Variants in B3GALT1 observed in about 807,000 individuals in gnomAD.
The protein encoded by B3GALT1 is beta-1,3-galactosyltransferase 1.
A neutral mutation model predicts 23.2 loss-of-function variants in B3GALT1; 10 were observed. The observed-to-expected ratio is 0.43, with a 90% CI of 0.27 to 0.73. B3GALT1 has a LOEUF of 0.73. Among genes scored for constraint, B3GALT1 ranks in the 30% least tolerant of loss-of-function variants. The pLI is 0.21. For missense variants in B3GALT1, 299 were observed against 405.4 expected (o/e 0.74, Z 2.25); for synonymous variants, 156 against 141.5 (o/e 1.10, Z -0.73).
At chr2:167,516,954 A>G (rs200598428) in intron 2 of B3GALT1, among the ~76,000 whole-genome samples, 1 of 93,594 alleles carries the variant, frequency 1.1e-5, no homozygotes, top group South Asian at 4.5e-4. Context: ...GTGTGTGTAT[A>G]TATATATATA....
chr2:167,641,179 A>G (rs899288313), intron 2 of B3GALT1, among the ~76,000 whole-genome samples: 3 of 152,180 alleles, frequency 2.0e-5, no homozygotes, highest in Non-Finnish European at 1.5e-5. Context: ...AATAATAATT[A>G]CAATTATCAG....
intron 1 of B3GALT1, among the ~76,000 whole-genome samples, chr2:167,336,576 A>G (rs1336936940): frequency 6.6e-6 from 1 of 152,182 alleles, no homozygotes; most frequent in Non-Finnish European, 1.5e-5. Flanking sequence ...TTCTTCAGGT[A>G]TAGAAATCAA....
intron 1 of B3GALT1, among the ~76,000 whole-genome samples, chr2:167,327,074 T>C (rs2105497466): frequency 6.6e-6 from 1 of 152,234 alleles, no homozygotes; most frequent in Non-Finnish European, 1.5e-5. Flanking sequence ...TATAAATATG[T>C]AGATTTATTT....
intron 3 of B3GALT1, among the ~76,000 whole-genome samples, chr2:167,700,323 G>A (rs113108294): frequency 0.014 from 2,153 of 152,162 alleles, 24 homozygotes; most frequent in South Asian, 0.023. Flanking sequence ...AATCTATATG[G>A]GAAAGGTTAC....
At chr2:167,801,445 A>T (rs1688637137) in intron 3 of B3GALT1, among the ~76,000 whole-genome samples, 1 of 152,174 alleles carries the variant, frequency 6.6e-6, no homozygotes, top group Admixed American at 6.5e-5. Context: ...TGATGTTTTC[A>T]TTCACTTCAC....
At chr2:167,455,096 T>C (rs577269436) in intron 1 of B3GALT1, among the ~76,000 whole-genome samples, 1 of 152,316 alleles carries the variant, frequency 6.6e-6, no homozygotes, top group East Asian at 1.9e-4. Context: ...CATTTCCAAA[T>C]AGAAACTTAT....
intron 1 of B3GALT1, among the ~76,000 whole-genome samples, chr2:167,476,639 TCACC>T (rs540736471): frequency 2.0e-3 from 311 of 152,274 alleles, no homozygotes; most frequent in Non-Finnish European, 3.1e-3. Context: ...GAATCTGTAC[TCACC>T]CATTAAAAAC....
chr2:167,327,923 T>G (rs1033603144), intron 1 of B3GALT1, among the ~76,000 whole-genome samples: 3 of 152,260 alleles, frequency 2.0e-5, no homozygotes, highest in Non-Finnish European at 4.4e-5. Context: ...TGAGAATTTT[T>G]ATCATGACGT....
chr2:167,518,019 T>TACAACA (rs368748683), intron 2 of B3GALT1, among the ~76,000 whole-genome samples: 1 of 151,906 alleles, frequency 6.6e-6, no homozygotes, highest in East Asian at 1.9e-4. Flanking sequence ...GGTCTAAATT[T>TACAACA]ACAACAACAA....
At chr2:167,435,541 G>A (rs1362562963) in intron 1 of B3GALT1, among the ~76,000 whole-genome samples, 1 of 144,274 alleles carries the variant, frequency 6.9e-6, no homozygotes, top group African/African-American at 2.5e-5. Flanking sequence ...ATCCAAAAAT[G>A]TTTGTTCTTA....
chr2:167,324,340 T>G (rs1299462281), intron 1 of B3GALT1, among the ~76,000 whole-genome samples: 1 of 152,074 alleles, frequency 6.6e-6, no homozygotes, highest in Non-Finnish European at 1.5e-5. Flanking sequence ...ATCTTTGAAA[T>G]TCTCTACTTG....
At chr2:167,604,408 G>T (rs1684927931) in intron 2 of B3GALT1, among the ~76,000 whole-genome samples, 1 of 152,286 alleles carries the variant, frequency 6.6e-6, no homozygotes, top group East Asian at 1.9e-4. Flanking sequence ...GTATGCAGTT[G>T]TGTATTTTGA....
chr2:167,431,815 T>C (rs1480303474), intron 1 of B3GALT1, among the ~76,000 whole-genome samples: 1 of 152,000 alleles, frequency 6.6e-6, no homozygotes, highest in Non-Finnish European at 1.5e-5. Flanking sequence ...TAGCTTGGAA[T>C]TGGGGGGGAA....
At chr2:167,459,773 T>A (rs573085315) in intron 1 of B3GALT1, among the ~76,000 whole-genome samples, 2 of 152,330 alleles carry the variant, frequency 1.3e-5, no homozygotes, top group East Asian at 3.9e-4. Context: ...TGAACGTTTC[T>A]TGCAGAGCAG....
intron 3 of B3GALT1, among the ~76,000 whole-genome samples, chr2:167,713,058 A>G (rs1199789957): frequency 2.0e-5 from 3 of 152,214 alleles, no homozygotes; most frequent in Admixed American, 6.5e-5. Flanking sequence ...ACACATGGCA[A>G]TTATTATCCC....
intron 1 of B3GALT1, among the ~76,000 whole-genome samples, chr2:167,484,924 G>A (rs148763221): frequency 6.6e-6 from 1 of 152,212 alleles, no homozygotes; most frequent in African/African-American, 2.4e-5. Flanking sequence ...GTCATGTGAT[G>A]CTAGACTAGA....
At chr2:167,387,729 T>C (rs1697949584) in intron 1 of B3GALT1, among the ~76,000 whole-genome samples, 1 of 152,094 alleles carries the variant, frequency 6.6e-6, no homozygotes, top group Admixed American at 6.6e-5. Flanking sequence ...TTAGGTTAAA[T>C]AACTAAGCCA....
At chr2:167,863,990 ATGTGTGTGTGTG>A (rs34276280) in intron 4 of B3GALT1, among the ~76,000 whole-genome samples, 143 of 143,698 alleles carry the variant, frequency 1.0e-3, no homozygotes, top group Non-Finnish European at 1.5e-3. Flanking sequence ...GCATGTATGT[ATGTGTGTGTGTG>A]TGTGTGTGTG....
At chr2:167,593,926 G>A (rs1684728585) in intron 2 of B3GALT1, among the ~76,000 whole-genome samples, 1 of 152,180 alleles carries the variant, frequency 6.6e-6, no homozygotes, top group South Asian at 2.1e-4. Flanking sequence ...CCAAAACTAT[G>A]AGAATGGATA....
Sources: gnomAD v4.1 joint callset for allele counts (sites outside exome capture counted in the v4.1 genomes callset) on GRCh38, gnomAD v4.1.1 for gene constraint, MANE v1.5 for transcripts, NCBI Gene and HGNC (gene_info 2026-07-23, HGNC 2026-07-21) for gene names.